MRAP2: variants seen among roughly 807,000 people sequenced by gnomAD.
MRAP2 encodes melanocortin-2 receptor accessory protein 2.
A neutral mutation model predicts 17.4 loss-of-function variants in MRAP2; 20 were observed. The observed-to-expected ratio is 1.15, with a 90% CI of 0.81 to 1.67. MRAP2 has a LOEUF of 1.67. MRAP2 is among the 40% of genes most tolerant of loss of function. The probability of loss-of-function intolerance (pLI) is 0.00; values close to 1 mark genes in which losing one functional copy is unlikely to be tolerated. For missense variants in MRAP2, 238 were observed against 240.0 expected, an observed-to-expected ratio of 0.99 and a Z score of 0.05; for synonymous variants, 96 against 88.4, an observed-to-expected ratio of 1.09 and a Z score of -0.48.
the MRAP2 span, among the ~76,000 whole-genome samples, chr6:84,107,687 T>C: frequency 6.6e-6 from 1 of 152,144 alleles, no homozygotes; most frequent in Non-Finnish European, 1.5e-5. Flanking sequence ...GGAGGGTTGA[T>C]ATAATCCTGA....
intron 3 of MRAP2, among the ~76,000 whole-genome samples, chr6:84,064,505 T>G (rs1460354437): frequency 6.6e-6 from 1 of 152,128 alleles, no homozygotes; most frequent in African/African-American, 2.4e-5. Flanking sequence ...GTTTGTTTTT[T>G]GAGACGGAGT....
At chr6:84,037,157 AGCT>A (rs2099486284) in intron 1 of MRAP2, among the ~76,000 whole-genome samples, 1 of 148,566 alleles carries the variant, frequency 6.7e-6, no homozygotes, top group African/African-American at 2.6e-5. Context: ...ACAAACCTTG[AGCT>A]AGACACAGAG....
chr6:84,082,380 C>A (rs182413016), intron 3 of MRAP2, among the ~76,000 whole-genome samples: 1 of 152,208 alleles, frequency 6.6e-6, no homozygotes, highest in Admixed American at 6.5e-5. Flanking sequence ...ATAGATAATT[C>A]CCATCTAATT....
intron 3 of MRAP2, among the ~76,000 whole-genome samples, chr6:84,071,429 G>C (rs1368129834): frequency 6.6e-6 from 1 of 152,134 alleles, no homozygotes; most frequent in Non-Finnish European, 1.5e-5. Context: ...CTAGCTAGTA[G>C]TTTTCTGCTG....
chr6:84,042,464 A>T (rs1159525006), intron 1 of MRAP2, among the ~76,000 whole-genome samples: 1 of 152,210 alleles, frequency 6.6e-6, no homozygotes, highest in East Asian at 1.9e-4. Flanking sequence ...TTTACTCTGT[A>T]ACATATCTGC....
intron 2 of MRAP2, among the ~76,000 whole-genome samples, chr6:84,059,630 A>G (rs1310673651): frequency 3.9e-5 from 6 of 152,140 alleles, no homozygotes; most frequent in Admixed American, 3.9e-4. Flanking sequence ...ATTAAAGGTT[A>G]GGTTAAGGGG....
At chr6:84,118,074 C>T in the MRAP2 span, among the ~76,000 whole-genome samples, 1 of 151,916 alleles carries the variant, frequency 6.6e-6, no homozygotes, top group Admixed American at 6.5e-5. Flanking sequence ...GCAGGCTGGA[C>T]TGGCTGAGAC....
At chr6:84,141,974 C>T in the MRAP2 span, among the ~76,000 whole-genome samples, 2 of 152,198 alleles carry the variant, frequency 1.3e-5, no homozygotes, top group African/African-American at 4.8e-5. Context: ...CGTCCTTTCT[C>T]AGTCTCTCAG....
intron 1 of MRAP2, among the ~76,000 whole-genome samples, chr6:84,037,788 AC>A (rs1191648137): frequency 1.3e-5 from 2 of 151,914 alleles, no homozygotes; most frequent in Admixed American, 6.6e-5. Context: ...CCTAGAACTC[AC>A]GCTGGCCAGC....
chr6:84,035,310 T>C (rs2099485685), intron 1 of MRAP2: 2 of 503,510 alleles, frequency 4.0e-6, no homozygotes, highest in Non-Finnish European at 5.1e-6. Flanking sequence ...GAGGGAAACA[T>C]TGAATCCTGG....
chr6:84,092,759 T>C (rs1178693583), downstream of MRAP2, among the ~76,000 whole-genome samples: 1 of 152,004 alleles, frequency 6.6e-6, no homozygotes, highest in Admixed American at 6.6e-5. Context: ...TATAGGTGGG[T>C]TTCGCATCCC....
At chr6:84,139,246 T>C in the MRAP2 span, among the ~76,000 whole-genome samples, 9 of 152,222 alleles carry the variant, frequency 5.9e-5, no homozygotes, top group Admixed American at 2.0e-4. Context: ...ATGAGTTTCC[T>C]ACCATATATT....
chr6:84,044,249 T>C (rs2497106), intron 1 of MRAP2, among the ~76,000 whole-genome samples: 41,188 of 152,110 alleles, frequency 0.27, 7,673 homozygotes, highest in African/African-American at 0.52. Flanking sequence ...TGCAATGGCA[T>C]GATCTCAGCT....
Position 84,062,894 on chromosome 6 carries a change from T to A in MRAP2, c.129T>A (p.Tyr43Ter). Residue 43 changes from tyrosine to a stop codon, truncating the protein, a stop_gained and splice_region_variant, in exon 3 of 4, where the codon TAT becomes TAA. Transcript: ENST00000257776. LOFTEE classifies it high-confidence loss of function. ...ATCCCAGAATTAACTGTCTTTCAGA[T>A]TCCATTGTGATTGGATTTTGGGTTG... Reference protein sequence around the residue: ...VSFEGLKAHKYSIVIGFWVGL... With the variant: ...VSFEGLKAHK The A allele has an allele frequency of 6.2e-7, 1 of 1,614,170 alleles. No individual in the cohort carries two copies.
chr6:84,071,731 C>A (rs2099496240), intron 3 of MRAP2, among the ~76,000 whole-genome samples: 1 of 152,114 alleles, frequency 6.6e-6, no homozygotes, highest in Non-Finnish European at 1.5e-5. Context: ...CCTTAGGTTT[C>A]ATTGTTTAAC....
At chr6:84,062,402 AGAGTCTCTCT>A in intron 2 of MRAP2, 1 of 401,810 alleles carries the variant, frequency 2.5e-6, no homozygotes. Flanking sequence ...GAGGCAGCCC[AGAGTCTCTCT>A]GAATCTATTC....
the MRAP2 span, among the ~76,000 whole-genome samples, chr6:84,100,502 A>G: frequency 6.6e-6 from 1 of 152,144 alleles, no homozygotes; most frequent in Non-Finnish European, 1.5e-5. Context: ...CCTGGGCTCA[A>G]GCAATCCACC....
intron 1 of MRAP2, among the ~76,000 whole-genome samples, chr6:84,045,997 T>G (rs1436902299): frequency 1.3e-5 from 2 of 152,204 alleles, no homozygotes; most frequent in African/African-American, 2.4e-5. Context: ...GGTGAGTATT[T>G]CAGCCATAAT....
At chr6:84,103,695 G>A in the MRAP2 span, among the ~76,000 whole-genome samples, 9 of 152,136 alleles carry the variant, frequency 5.9e-5, no homozygotes, top group Non-Finnish European at 7.4e-5. Context: ...TCTCCAAGAA[G>A]TTTCATAGAC....
Sources: allele counts gnomAD v4.1 joint callset (sites outside exome capture counted in the v4.1 genomes callset), GRCh38; gene constraint gnomAD v4.1.1; transcripts MANE v1.5; gene names NCBI Gene and HGNC (gene_info 2026-07-23, HGNC 2026-07-21).